The following AGFG2 variants were observed in gnomAD, a reference collection of about 807,000 sequenced individuals.
The protein encoded by AGFG2 is arf-GAP domain and FG repeat-containing protein 2.
A neutral mutation model predicts 48.0 loss-of-function variants in AGFG2; 31 were observed. The observed-to-expected ratio is 0.65, with a 90% CI of 0.49 to 0.87. The LOEUF (loss-of-function observed/expected upper bound fraction) is 0.87, where lower values mean the gene tolerates loss of function less well. Among genes scored for constraint, AGFG2 ranks in the 40% least tolerant of loss-of-function variants. AGFG2 has a pLI of 0.00. For missense variants in AGFG2, 599 were observed against 632.6 expected, an observed-to-expected ratio of 0.95 and a Z score of 0.57; for synonymous variants, 229 against 260.8, an observed-to-expected ratio of 0.88 and a Z score of 1.18.
intron 6 of AGFG2, among the ~76,000 whole-genome samples, chr7:100,559,945 G>T (rs1369760532): frequency 6.6e-6 from 1 of 152,182 alleles, no homozygotes; most frequent in Admixed American, 6.5e-5. Context: ...GCTAGGGATG[G>T]TTCTGCCCCC....
intron 11 of AGFG2, 25 bp downstream of exon 11, chr7:100,564,328 T>C (rs1800958878): frequency 6.2e-7 from 1 of 1,603,994 alleles, no homozygotes; most frequent in Non-Finnish European, 8.5e-7. Flanking sequence ...AGGGGTGCTG[T>C]GGTAGGGCTC....
intron 1 of AGFG2, among the ~76,000 whole-genome samples, chr7:100,546,162 C>A (rs562109006): frequency 5.4e-5 from 8 of 148,768 alleles, no homozygotes; most frequent in South Asian, 4.4e-4. Flanking sequence ...CGTCTGCCGC[C>A]CCCCCCGCCC....
rs1188164176 is a variant in AGFG2, at chr7:100,567,207, G to A, written c.*2216G>A. 6.6e-6 allele frequency: 1 copy of A among 152,610 alleles called. No homozygotes were observed. The highest frequency in any genetic ancestry group is 2.4e-5 in the African/African-American group (1 of 41,458). 9.5% of individuals were successfully genotyped at this position (152,610 alleles called of 1,614,324 possible). ...TTCCCTGGGCACAGGCTGACACTAG[G>A]AGCTGCTCTCCTTGGCCGGGGACAG... is the stretch of plus-strand genomic sequence containing the variant. On this transcript the variant is annotated 3_prime_UTR_variant, in exon 12 of 12. Coordinates refer to ENST00000300176, the MANE Select transcript of AGFG2 (RefSeq NM_006076.5).
chr7:100,543,345 G>A (rs1376366975), intron 1 of AGFG2, among the ~76,000 whole-genome samples: 5 of 152,200 alleles, frequency 3.3e-5, no homozygotes, highest in Admixed American at 1.3e-4. Context: ...GATTACAGGC[G>A]TGAGCCACTG....
In AGFG2 at chr7:100,564,201, C is replaced by T; in HGVS notation, c.1301-17C>T. 2 of 1,603,738 alleles carry T rather than the reference C, an allele frequency of 1.2e-6. No individual in the cohort carries two copies. The highest frequency in any genetic ancestry group is 1.7e-6 in the Non-Finnish European group (2 of 1,174,816). On this transcript the variant is annotated splice_polypyrimidine_tract_variant and intron_variant, in intron 10 of 11. Transcript: ENST00000300176. ...AGGCAGGCTGGTGTCAGCTGAGTGA[C>T]TGCTCTCGCCCCCTAGGCTCTTCCT...
At chr7:100,541,582 C>T (rs1469082449) in intron 1 of AGFG2, among the ~76,000 whole-genome samples, 1 of 151,462 alleles carries the variant, frequency 6.6e-6, no homozygotes. Flanking sequence ...GCCAACATGG[C>T]GAAATCTCAT....
intron 1 of AGFG2, among the ~76,000 whole-genome samples, chr7:100,544,139 G>T (rs914953972): frequency 6.6e-6 from 1 of 152,220 alleles, no homozygotes; most frequent in Non-Finnish European, 1.5e-5. Flanking sequence ...TGAGGCCTGA[G>T]ATCTCATTGA....
chr7:100,566,823 TCC>T lies in AGFG2; in HGVS notation c.*1834_*1835del, dbSNP rs1801018332. 2 of 152,330 alleles carry T rather than the reference TCC, an allele frequency of 1.3e-5. No individual in the cohort carries two copies. The highest frequency in any genetic ancestry group is 2.9e-5 in the Non-Finnish European group (2 of 68,130). 9.4% of individuals were successfully genotyped at this position (152,330 alleles called of 1,614,324 possible). A position where few individuals can be genotyped will look rare whatever the true frequency, so the allele number is the denominator to read the frequency against. On this transcript the variant is annotated 3_prime_UTR_variant, in exon 12 of 12. Coordinates refer to ENST00000300176, the MANE Select transcript of AGFG2 (RefSeq NM_006076.5). ...TTCGCCACCCTAGATTATCTCTGTG[TCC>T]CTCTACCTAATTCTCTTACCAGTTC...
At position 100,539,500 on chromosome 7, in the gene AGFG2, C is replaced by G. The variant is rs1800379977; in HGVS notation, c.154C>G (p.Gln52Glu). The G allele has an allele frequency of 7.6e-7, 1 of 1,314,768 alleles. No individual in the cohort carries two copies. The highest frequency in any genetic ancestry group is 9.8e-7 in the Non-Finnish European group (1 of 1,025,412). 81.4% of individuals were successfully genotyped at this position (1,314,768 alleles called of 1,614,324 possible). A position where few individuals can be genotyped will look rare whatever the true frequency, so the allele number is the denominator to read the frequency against. Reference sequence around the variant, plus strand: ...GAACCGCCACTGCTTCGAGTGCGCCCAGCGCGGGGTCACCTACGTGGATAT... The same window carrying G: ...GAACCGCCACTGCTTCGAGTGCGCCGAGCGCGGGGTCACCTACGTGGATAT... ...AGNRHCFECAQRGVTYVDITV... is the reference protein window; with the variant it reads ...AGNRHCFECAERGVTYVDITV... The change falls in exon 1 of 12, where the codon CAG becomes GAG. Residue 52 changes from glutamine (Q) to glutamate (E), a missense_variant. Gln to Glu is a conservative substitution (Grantham distance 29). Transcript: ENST00000300176.
intron 9 of AGFG2, 22 bp from the exon 10 acceptor site, chr7:100,563,812 C>CCT: frequency 6.2e-7 from 1 of 1,609,852 alleles, no homozygotes; most frequent in Non-Finnish European, 8.5e-7. Flanking sequence ...TTCACCTGAG[C>CCT]CTCCCGTCTT....
intron 3 of AGFG2, 139 bp from the exon 4 acceptor site, chr7:100,553,208 G>C: frequency 9.1e-7 from 1 of 1,104,770 alleles, no homozygotes; most frequent in East Asian, 2.4e-5. Context: ...TTGCTAAGTT[G>C]CTCGGTTCCC....
Position 100,565,252 on chromosome 7 carries a change from G to T in AGFG2, c.*261G>T. On this transcript the variant is annotated 3_prime_UTR_variant, in exon 12 of 12. Coordinates refer to ENST00000300176, the MANE Select transcript of AGFG2 (RefSeq NM_006076.5). ...CTGACCTGGAGGAGTGATGGTTGAG[G>T]GGGAGGGATTTTTTTCAAATGATCA... 1 of 562,840 alleles carries T rather than the reference G, an allele frequency of 1.8e-6. No homozygotes were observed. Among genetic ancestry groups the T allele is most frequent in the East Asian group, 3.0e-5 (1 of 33,082 alleles). 34.9% of individuals were successfully genotyped at this position (562,840 alleles called of 1,614,324 possible).
At chr7:100,544,046 G>C (rs1800469568) in intron 1 of AGFG2, among the ~76,000 whole-genome samples, 1 of 152,204 alleles carries the variant, frequency 6.6e-6, no homozygotes, top group Admixed American at 6.5e-5. Flanking sequence ...TTGCAAAGCA[G>C]TGCTTTAAAT....
chr7:100,548,976 A>T, intron 2 of AGFG2, 61 bp downstream of exon 2: 2 of 1,379,322 alleles, frequency 1.4e-6, no homozygotes, highest in Non-Finnish European at 2.1e-6. Flanking sequence ...GCTTTGCCTC[A>T]AGATTGTAGG....
In AGFG2 at chr7:100,562,387, C is replaced by A; in HGVS notation, c.998+8C>A. On this transcript the variant is annotated splice_region_variant and intron_variant, in intron 7 of 11. Coordinates refer to ENST00000300176, the MANE Select transcript of AGFG2 (RefSeq NM_006076.5). The surrounding 1 kb of genome is among the most constrained non-coding windows in gnomAD (Gnocchi z 5.4). Reference sequence around the variant, plus strand: ...TGCAGGTGTTCCTAGCAGGTAGGTACAGACAGTGGGCAGTCTGCTGTAGGG... The same window carrying A: ...TGCAGGTGTTCCTAGCAGGTAGGTAAAGACAGTGGGCAGTCTGCTGTAGGG... The A allele has an allele frequency of 6.2e-7, 1 of 1,613,392 alleles. No homozygotes were observed. The highest frequency in any genetic ancestry group is 1.1e-5 in the South Asian group (1 of 91,038).
In AGFG2 at chr7:100,548,945, G is replaced by C. The variant is rs534847203; in HGVS notation, c.315+30G>C. ...GCTGCCACCGATGGAGTGGTGAGAA[G>C]GTCACCTATCTGCAGGTGGGGCTTT... On this transcript the variant is annotated intron_variant, in intron 2 of 11. Transcript: ENST00000300176. The C allele has an allele frequency of 1.6e-5, 25 of 1,574,898 alleles. No individual in the cohort carries two copies. In the African/African-American group the frequency reaches 3.3e-4, roughly 21 times the overall value.
At chr7:100,551,066 ATT>A (rs1800631293) in intron 3 of AGFG2, among the ~76,000 whole-genome samples, 13 of 69,712 alleles carry the variant, frequency 1.9e-4, no homozygotes, top group Non-Finnish European at 3.0e-4. Context: ...ATATATATAT[ATT>A]TCTTTTTTTT....
Position 100,562,612 on chromosome 7 carries a change from C to T in AGFG2, c.1017C>T (p.Gly339=). ...GTTGTAGCCTCTTCGGGATGGCTGG[C>T]CAGGTCCCCCCGCTCCAGTCTGTCA... ...GVPSSLFGMA[G]QVPPLQSVTM... Residue 339 remains glycine, a synonymous_variant, in exon 8 of 12, where the codon GGC becomes GGT. Coordinates refer to ENST00000300176, the MANE Select transcript of AGFG2 (RefSeq NM_006076.5). This position sits in a 1 kb window ranked among gnomAD's most constrained non-coding sequence, Gnocchi z 5.4. 3 of 1,612,822 alleles carry T rather than the reference C, an allele frequency of 1.9e-6. No homozygotes were observed. Among genetic ancestry groups the T allele is most frequent in the Non-Finnish European group, 2.5e-6 (3 of 1,179,958 alleles).
rs1197586273 is a variant in AGFG2, at chr7:100,554,266, G to A, written c.751+8G>A. ...CATTCCCTGCCTTTGGGGGTAAGTGGGTTTTGGGATGGGACCCTCCCTACA... is the reference window on the plus strand; with the variant it reads ...CATTCCCTGCCTTTGGGGGTAAGTGAGTTTTGGGATGGGACCCTCCCTACA... On this transcript the variant is annotated splice_region_variant and intron_variant, in intron 5 of 11. Transcript: ENST00000300176. 3 of 1,609,578 alleles carry A rather than the reference G, an allele frequency of 1.9e-6. No individual in the cohort carries two copies. Among genetic ancestry groups the A allele is most frequent in the East Asian group, 4.5e-5 (2 of 44,870 alleles).
Sources: allele counts gnomAD v4.1 joint callset (sites outside exome capture counted in the v4.1 genomes callset), GRCh38; gene constraint gnomAD v4.1.1; non-coding constraint Gnocchi (gnomAD v3.1); transcripts MANE v1.5; gene names NCBI Gene and HGNC (gene_info 2026-07-23, HGNC 2026-07-21).